The following OPCML variants were observed in gnomAD, a reference collection of about 807,000 sequenced individuals.
OPCML encodes the protein opioid binding protein/cell adhesion molecule like.
In OPCML, 13 loss-of-function variants were observed where a neutral mutation model predicts 37.8. That is an observed-to-expected ratio of 0.34 (90% CI 0.22 to 0.55). The LOEUF is 0.55. OPCML is among the 20% of genes least tolerant of loss of function. The pLI is 0.91. For synonymous variants in OPCML, 176 were observed against 168.8 expected (o/e 1.04, Z -0.33); for missense variants, 341 against 435.6 (o/e 0.78, Z 1.93).
At chr11:133,148,374 T>C (rs1949927556) in intron 1 of OPCML, among the ~76,000 whole-genome samples, 2 of 152,224 alleles carry the variant, frequency 1.3e-5, no homozygotes, top group African/African-American at 2.4e-5. Context: ...GTGCAATCCA[T>C]GCAGACTCCC....
chr11:133,236,207 G>A (rs988886447), intron 1 of OPCML, among the ~76,000 whole-genome samples: 5 of 152,088 alleles, frequency 3.3e-5, no homozygotes, highest in Admixed American at 1.3e-4. Flanking sequence ...CCCCACAGTC[G>A]ATCTGGTAAC....
At chr11:133,329,261 A>C in intron 1 of OPCML, among the ~76,000 whole-genome samples, 1 of 152,316 alleles carries the variant, frequency 6.6e-6, no homozygotes, top group Middle Eastern at 3.4e-3. Flanking sequence ...ATACTGCCCA[A>C]GGTAATTTAT....
At chr11:132,672,849 A>G (rs79784659) in intron 2 of OPCML, among the ~76,000 whole-genome samples, 3,039 of 152,224 alleles carry the variant, frequency 0.02, 102 homozygotes, top group African/African-American at 0.069. Context: ...TCATTTGTCC[A>G]TGCTTAGGGG....
chr11:133,131,644 T>C (rs1359348288), intron 1 of OPCML, among the ~76,000 whole-genome samples: 1 of 152,200 alleles, frequency 6.6e-6, no homozygotes, highest in Non-Finnish European at 1.5e-5. Flanking sequence ...CTCTATGATA[T>C]AGCAATAACA....
chr11:133,293,027 T>A (rs1255806806), intron 1 of OPCML, among the ~76,000 whole-genome samples: 2 of 152,196 alleles, frequency 1.3e-5, no homozygotes, highest in African/African-American at 4.8e-5. Context: ...AGGTGCTCCA[T>A]AAAGAAGTCT....
At chr11:133,215,190 A>AAG (rs112597830) in intron 1 of OPCML, among the ~76,000 whole-genome samples, 13 of 150,792 alleles carry the variant, frequency 8.6e-5, no homozygotes, top group Admixed American at 2.0e-4. Context: ...GTCACATTTT[A>AAG]AGAGAGAGAG....
chr11:132,480,845 G>A (rs954225320), intron 4 of OPCML, among the ~76,000 whole-genome samples: 2 of 151,954 alleles, frequency 1.3e-5, no homozygotes, highest in Non-Finnish European at 2.9e-5. Context: ...CACCAGCCCT[G>A]CCCTAAAAGA....
At chr11:133,069,078 T>C (rs1269766385) in intron 1 of OPCML, among the ~76,000 whole-genome samples, 1 of 152,180 alleles carries the variant, frequency 6.6e-6, no homozygotes, top group East Asian at 1.9e-4. Context: ...ACTGAGACAT[T>C]AGTGAAGAAG....
chr11:133,471,508 A>G (rs1248591814), intron 1 of OPCML, among the ~76,000 whole-genome samples: 1 of 152,186 alleles, frequency 6.6e-6, no homozygotes. Flanking sequence ...AACTAATGAC[A>G]TTGATCATCT....
chr11:132,656,529 A>T (rs1212207923), intron 3 of OPCML, among the ~76,000 whole-genome samples: 1 of 152,182 alleles, frequency 6.6e-6, no homozygotes, highest in Admixed American at 6.5e-5. Flanking sequence ...TGCAGATATC[A>T]TTCTGACTAA....
chr11:132,980,805 CT>C, intron 1 of OPCML, among the ~76,000 whole-genome samples: 1 of 152,278 alleles, frequency 6.6e-6, no homozygotes, highest in Non-Finnish European at 1.5e-5. Context: ...AACTATTTCC[CT>C]GTGGGCAAAA....
intron 1 of OPCML, among the ~76,000 whole-genome samples, chr11:133,289,345 C>T (rs1455303516): frequency 6.6e-6 from 1 of 152,014 alleles, no homozygotes; most frequent in African/African-American, 2.4e-5. Context: ...CCTGTAATCC[C>T]AGCACTTTGG....
At chr11:132,437,423 T>G (rs772248881) in intron 4 of OPCML, 64 bp from the exon 5 acceptor site, 2 of 1,585,588 alleles carry the variant, frequency 1.3e-6, no homozygotes, top group Non-Finnish European at 1.7e-6. Flanking sequence ...AGAACCATAT[T>G]CACATCTAGA....
intron 1 of OPCML, among the ~76,000 whole-genome samples, chr11:132,958,747 A>C (rs1387584885): frequency 3.3e-5 from 5 of 152,246 alleles, no homozygotes; most frequent in Admixed American, 6.5e-5. Context: ...AGCCTGGATG[A>C]CAGCATAACT....
intron 1 of OPCML, among the ~76,000 whole-genome samples, chr11:133,529,546 A>G (rs1452520799): frequency 1.3e-5 from 2 of 152,204 alleles, no homozygotes; most frequent in Admixed American, 6.5e-5. Flanking sequence ...CTGCCTAGAA[A>G]AGCTATTTGT....
chr11:133,192,133 T>A (rs1461202311), intron 1 of OPCML, among the ~76,000 whole-genome samples: 1 of 152,136 alleles, frequency 6.6e-6, no homozygotes, highest in Non-Finnish European at 1.5e-5. Context: ...TGTGGGGCAT[T>A]GAATTGTAAG....
chr11:133,004,546 G>A (rs559028166), intron 1 of OPCML: 80 of 985,420 alleles, frequency 8.1e-5, no homozygotes, highest in African/African-American at 8.7e-5. Flanking sequence ...CCTCTTGGCC[G>A]TCCTGACACT....
intron 2 of OPCML, among the ~76,000 whole-genome samples, chr11:132,705,072 T>G (rs950408288): frequency 2.6e-5 from 4 of 152,224 alleles, no homozygotes; most frequent in African/African-American, 9.7e-5. Context: ...GTGTATTTAT[T>G]TATTTTACTT....
At chr11:133,458,012 G>A (rs1946710677) in intron 1 of OPCML, among the ~76,000 whole-genome samples, 1 of 151,962 alleles carries the variant, frequency 6.6e-6, no homozygotes, top group African/African-American at 2.4e-5. Flanking sequence ...TGGGCATGGT[G>A]ACATGCACCT....
Sources: gnomAD v4.1 joint callset for allele counts (sites outside exome capture counted in the v4.1 genomes callset) on GRCh38, gnomAD v4.1.1 for gene constraint, MANE v1.5 for transcripts, NCBI Gene and HGNC (gene_info 2026-07-23, HGNC 2026-07-21) for gene names.